The following VRK2 variants were observed in gnomAD, a reference collection of about 807,000 sequenced individuals.
The protein encoded by VRK2 is VRK serine/threonine kinase 2.
VRK2 carries 60 observed loss-of-function variants against 57.6 expected under a neutral mutation model. That is an observed-to-expected ratio of 1.04 (90% CI 0.85 to 1.29). VRK2 has a LOEUF of 1.29. Ranked by LOEUF, VRK2 falls within the 50% of genes most tolerant of loss-of-function variation. VRK2 has a pLI of 0.00. For missense variants in VRK2, 705 were observed against 588.1 expected, an observed-to-expected ratio of 1.20 and a Z score of -2.06; for synonymous variants, 231 against 199.2, an observed-to-expected ratio of 1.16 and a Z score of -1.35.
At chr2:58,078,528 C>G (rs984471157) in intron 2 of VRK2, among the ~76,000 whole-genome samples, 4 of 151,944 alleles carry the variant, frequency 2.6e-5, no homozygotes, top group African/African-American at 4.8e-5. Flanking sequence ...AATGGGATTG[C>G]TAGATCATAT....
intron 2 of VRK2, among the ~76,000 whole-genome samples, chr2:58,056,569 C>T (rs1676551470): frequency 6.6e-6 from 1 of 151,814 alleles, no homozygotes; most frequent in Non-Finnish European, 1.5e-5. Context: ...ACCTGTTCTG[C>T]TTAGGTAGTG....
rs187594190 is a variant in VRK2 at position 57,933,205 on chromosome 2, A to C, written c.-439+25366A>C. On this transcript the variant is annotated intron_variant, in intron 1 of 15. Transcript: ENST00000417641. ...TGGGTCTAAAGGGTAGTTCAAGTCC[A>C]ACATTTTGTTGTTTATTTTCTTTCT... is the stretch of plus-strand genomic sequence containing the variant. 1.1e-4 allele frequency among the ~76,000 whole-genome samples: 17 copies of C among 152,040 alleles called. No individual in the cohort carries two copies. In the East Asian group the frequency reaches 3.3e-3, roughly 29 times the overall value.
intron 1 of VRK2, among the ~76,000 whole-genome samples, chr2:57,908,047 A>G (rs1394740208): frequency 6.6e-6 from 1 of 152,190 alleles, no homozygotes; most frequent in Non-Finnish European, 1.5e-5. Context: ...ATGAGAATGA[A>G]GGCCAAAAGG....
chr2:57,975,033 T>C (rs1453513187), intron 1 of VRK2, among the ~76,000 whole-genome samples: 1 of 151,944 alleles, frequency 6.6e-6, no homozygotes, highest in East Asian at 1.9e-4. Context: ...ATACAGCATA[T>C]CATAAATTAT....
intron 2 of VRK2, among the ~76,000 whole-genome samples, chr2:58,063,002 C>T (rs550880571): frequency 2.4e-4 from 36 of 152,188 alleles, no homozygotes; most frequent in African/African-American, 6.5e-4. Flanking sequence ...CAGGATGCCT[C>T]TCTTCTTATG....
intron 1 of VRK2, among the ~76,000 whole-genome samples, chr2:57,912,739 A>C (rs1482545605): frequency 1.3e-5 from 2 of 152,170 alleles, no homozygotes; most frequent in Admixed American, 1.3e-4. Flanking sequence ...GGAAAGAAAG[A>C]ATTAACTCAT....
At chr2:58,033,935 G>C (rs1674195631) in intron 3 of VRK2, among the ~76,000 whole-genome samples, 1 of 151,892 alleles carries the variant, frequency 6.6e-6, no homozygotes, top group African/African-American at 2.4e-5. Flanking sequence ...AATATATCTT[G>C]TCTAGATCAA....
chr2:58,055,985 T>C lies in VRK2; in HGVS notation c.136+7018T>C, dbSNP rs184473295. Reference sequence around the variant, plus strand: ...CATTTATTTCATTGCATGTCTATCATGTATATAAACTTTGCTTCTTGAATA... The same window carrying C: ...CATTTATTTCATTGCATGTCTATCACGTATATAAACTTTGCTTCTTGAATA... On this transcript the variant is annotated intron_variant, in intron 2 of 12. Coordinates refer to ENST00000340157, the MANE Select transcript of VRK2 (RefSeq NM_006296.7). Among the ~76,000 whole-genome samples, 7 of 152,330 alleles carry C rather than the reference T, an allele frequency of 4.6e-5. No homozygotes were observed. The East Asian group carries it at 1.4e-3, about 29-fold the overall frequency.
chr2:57,941,877 G>A (rs556594326), intron 1 of VRK2, among the ~76,000 whole-genome samples: 4 of 152,198 alleles, frequency 2.6e-5, no homozygotes, highest in Non-Finnish European at 5.9e-5. Flanking sequence ...CCTGTTTAAT[G>A]TTAGGGCAAG....
intron 3 of VRK2, among the ~76,000 whole-genome samples, chr2:58,035,442 A>G (rs567275239): frequency 6.6e-6 from 1 of 152,130 alleles, no homozygotes; most frequent in Admixed American, 6.6e-5. Flanking sequence ...TATTATGTAC[A>G]TTAAAAACTC....
At chr2:58,135,823 C>G (rs539485790) in intron 10 of VRK2, among the ~76,000 whole-genome samples, 49 of 152,272 alleles carry the variant, frequency 3.2e-4, no homozygotes, top group African/African-American at 1.2e-3. Context: ...TACCCACATT[C>G]CTGTCATTTT....
intron 1 of VRK2, among the ~76,000 whole-genome samples, chr2:57,952,127 G>C (rs1671446639): frequency 6.6e-6 from 1 of 151,402 alleles, no homozygotes; most frequent in Non-Finnish European, 1.5e-5. Flanking sequence ...GAGAGAGAGA[G>C]ATAGAGATAG....
At chr2:58,129,045 AAG>A (rs1678783303) in intron 8 of VRK2, among the ~76,000 whole-genome samples, 1 of 152,202 alleles carries the variant, frequency 6.6e-6, no homozygotes, top group African/African-American at 2.4e-5. Flanking sequence ...TTTCAACAAA[AAG>A]AGTGATGTAT....
At chr2:58,151,635 T>G (rs1222120787) in intron 12 of VRK2, among the ~76,000 whole-genome samples, 1 of 151,402 alleles carries the variant, frequency 6.6e-6, no homozygotes, top group African/African-American at 2.4e-5. Context: ...GCAGTTTGCT[T>G]TCTTTTTGCC....
At chr2:58,087,108 GA>G (rs896119549) in intron 5 of VRK2, among the ~76,000 whole-genome samples, 13 of 151,850 alleles carry the variant, frequency 8.6e-5, no homozygotes, top group Non-Finnish European at 1.8e-4. Flanking sequence ...TTTGAAAAAA[GA>G]AAAAAAGTGT....
chr2:57,997,454 TTATTTTAAGTTACAAAGTTAAAG>T (rs1672960044), intron 1 of VRK2, among the ~76,000 whole-genome samples: 3 of 151,950 alleles, frequency 2.0e-5, no homozygotes, highest in African/African-American at 7.3e-5. Flanking sequence ...AAGTGACGGA[TTATTTTAAGTTACAAAGTTAAAG>T]TTAAAAGACA....
chr2:58,085,930 C>CTTTTTTTTT (rs59333442), intron 4 of VRK2, among the ~76,000 whole-genome samples: 1 of 116,874 alleles, frequency 8.6e-6, no homozygotes, highest in African/African-American at 2.8e-5. Flanking sequence ...CTTTTTTTTT[C>CTTTTTTTTT]TTTTTTTTTT....
intron 1 of VRK2, among the ~76,000 whole-genome samples, chr2:57,929,741 A>G (rs138086923): frequency 6.6e-6 from 1 of 152,176 alleles, no homozygotes; most frequent in African/African-American, 2.4e-5. Flanking sequence ...GTCATTGCTG[A>G]TTATTCAGGG....
rs779124660 is a variant in VRK2 at position 58,146,368 on chromosome 2, T to TAA, written c.1077_1078dup (p.Ile360LysfsTer26). 2 of 1,611,364 alleles carry TAA rather than the reference T, an allele frequency of 1.2e-6. No individual in the cohort carries two copies. The highest frequency in any genetic ancestry group is 1.7e-6 in the Non-Finnish European group (2 of 1,178,266). On this transcript the variant is annotated frameshift_variant, in exon 12 of 13. Coordinates refer to ENST00000340157, the MANE Select transcript of VRK2 (RefSeq NM_006296.7). LOFTEE classifies it high-confidence loss of function. ...CAAGTCAACAAGGCACACAATAGGT[T>TAA]AATCGAAAAAAAAGTCCACAGTGAG... is the stretch of plus-strand genomic sequence containing the variant.
Sources: allele counts gnomAD v4.1 joint callset (sites outside exome capture counted in the v4.1 genomes callset), GRCh38; gene constraint gnomAD v4.1.1; transcripts MANE v1.5; gene names NCBI Gene and HGNC (gene_info 2026-07-23, HGNC 2026-07-21).